The following FBXL17 variants were observed in gnomAD, a reference collection of about 807,000 sequenced individuals.
FBXL17 encodes F-box and leucine rich repeat protein 17, also known as F-box/LRR-repeat protein 17.
FBXL17 carries 22 observed loss-of-function variants against 66.2 expected under a neutral mutation model. That is an observed-to-expected ratio of 0.33 (90% CI 0.24 to 0.47). The LOEUF (loss-of-function observed/expected upper bound fraction) is 0.47, where lower values mean the gene tolerates loss of function less well. Ranked by LOEUF, FBXL17 falls within the 20% of genes least tolerant of loss-of-function variation. FBXL17 has a pLI of 1.00. For missense variants in FBXL17, 878 were observed against 948.2 expected, an observed-to-expected ratio of 0.93 and a Z score of 0.97; for synonymous variants, 474 against 400.5, an observed-to-expected ratio of 1.18 and a Z score of -2.19.
rs1215364343 is a variant in FBXL17, at chr5:108,381,622, A to C, written c.70T>G (p.Cys24Gly). Residue 24 changes from cysteine to glycine, a missense_variant, in exon 1 of 9, where the codon TGC (cysteine) becomes GGC (glycine). This residue lies in a region of FBXL17 where 605 missense variants were observed against 509.5 expected (regional missense o/e 1.19). Coordinates refer to ENST00000542267, the MANE Select transcript of FBXL17 (RefSeq NM_001163315.3). ...CTGAGGAGAGGGCGCCGGCGGCGGC[A>C]CCAACTGCAACAGCGAGGCCTCTTC... The part of the protein sequence containing the change: ...SQKRPRCCSW[C>G]RRRRPLLRLP... The C allele has an allele frequency of 1.3e-6, 2 of 1,491,978 alleles. No individual in the cohort carries two copies. The highest frequency in any genetic ancestry group is 4.5e-5 in the Admixed American group (2 of 44,624). The allele number at this position is 1,491,978 out of a possible 1,614,324, so 92.4% of individuals were successfully genotyped here. A position where few individuals can be genotyped will look rare whatever the true frequency, so the allele number is the denominator to read the frequency against.
chr5:108,034,199 C>T (rs1746753460), intron 6 of FBXL17, among the ~76,000 whole-genome samples: 1 of 152,148 alleles, frequency 6.6e-6, no homozygotes, highest in African/African-American at 2.4e-5. Context: ...ATATAGCCCT[C>T]AATATTATAT....
At chr5:108,335,779 C>T (rs1239322322) in intron 4 of FBXL17, among the ~76,000 whole-genome samples, 2 of 151,942 alleles carry the variant, frequency 1.3e-5, no homozygotes, top group African/African-American at 2.4e-5. Context: ...AACATGATAA[C>T]ATAAAGTATA....
intron 6 of FBXL17, among the ~76,000 whole-genome samples, chr5:108,063,996 AAT>A (rs1362762989): frequency 5.3e-5 from 8 of 152,148 alleles, no homozygotes; most frequent in African/African-American, 1.7e-4. Context: ...TTATAGTTTT[AAT>A]TATTTTTTCC....
intron 7 of FBXL17, among the ~76,000 whole-genome samples, chr5:107,922,154 C>T (rs1055648073): frequency 4.6e-5 from 7 of 152,122 alleles, no homozygotes; most frequent in Non-Finnish European, 1.0e-4. Context: ...TCTCTGAAAG[C>T]GGATGGTTTG....
chr5:107,946,383 C>T (rs1250601390), intron 7 of FBXL17, among the ~76,000 whole-genome samples: 1 of 141,556 alleles, frequency 7.1e-6, no homozygotes, highest in South Asian at 2.2e-4. Flanking sequence ...CAGCTTCAAA[C>T]TCCTTGGCTT....
In FBXL17 at chr5:108,364,793, A is replaced by T; in HGVS notation, c.1319T>A (p.Leu440His). ...IIAVASHCPL[L>H]QKVHVGNQDK... ...CTGGTTGCCTACATGCACTTTCTGA[A>T]GTAAAGGACAGTGAGAGGCAACCGC... The change falls in exon 3 of 9, where the codon CTT (leucine) becomes CAT (histidine). Residue 440 changes from leucine (L) to histidine (H), a missense_variant. By Grantham distance (99) the Leu-to-His change is moderately conservative. Coordinates refer to ENST00000542267, the MANE Select transcript of FBXL17 (RefSeq NM_001163315.3). The T allele has an allele frequency of 6.2e-7, 1 of 1,612,722 alleles. No individual in the cohort carries two copies. Among genetic ancestry groups the T allele is most frequent in the Non-Finnish European group, 8.5e-7 (1 of 1,179,072 alleles).
chr5:108,166,192 GAT>G (rs1440469877), intron 6 of FBXL17, among the ~76,000 whole-genome samples: 2 of 152,172 alleles, frequency 1.3e-5, no homozygotes, highest in Non-Finnish European at 2.9e-5. Flanking sequence ...CTGTAATTCA[GAT>G]ATATCAATAA....
At chr5:108,211,472 C>A (rs1392022209) in intron 5 of FBXL17, among the ~76,000 whole-genome samples, 1 of 152,162 alleles carries the variant, frequency 6.6e-6, no homozygotes, top group African/African-American at 2.4e-5. Context: ...ACTGGTTTCT[C>A]CTTTCCATGT....
intron 1 of FBXL17, among the ~76,000 whole-genome samples, chr5:108,378,417 T>C (rs1488054512): frequency 6.6e-6 from 1 of 152,216 alleles, no homozygotes; most frequent in African/African-American, 2.4e-5. Context: ...ACAATTATAA[T>C]AGCTATTGAC....
chr5:108,301,973 T>C (rs1758610716), intron 4 of FBXL17: 2 of 966,194 alleles, frequency 2.1e-6, no homozygotes, highest in South Asian at 4.8e-5. Context: ...ATTTTAAGAA[T>C]ACCTCCTAGT....
At chr5:107,970,894 G>A (rs1053546201) in intron 7 of FBXL17, among the ~76,000 whole-genome samples, 1 of 152,152 alleles carries the variant, frequency 6.6e-6, no homozygotes, top group African/African-American at 2.4e-5. Flanking sequence ...GGAAGAAATG[G>A]AAGTTGCTTA....
chr5:108,229,464 G>A (rs1156785173), intron 4 of FBXL17, among the ~76,000 whole-genome samples: 1 of 152,092 alleles, frequency 6.6e-6, no homozygotes, highest in African/African-American at 2.4e-5. Flanking sequence ...CATAAAGTGA[G>A]AAAAGGACAC....
intron 1 of FBXL17, among the ~76,000 whole-genome samples, chr5:108,370,847 T>G (rs1010524983): frequency 1.3e-5 from 2 of 152,042 alleles, no homozygotes; most frequent in African/African-American, 4.8e-5. Context: ...GCATTACAAC[T>G]AAAATATCTG....
intron 4 of FBXL17, among the ~76,000 whole-genome samples, chr5:108,322,638 G>A (rs1003312089): frequency 5.3e-5 from 8 of 151,882 alleles, no homozygotes; most frequent in Admixed American, 2.0e-4. Flanking sequence ...GAACCACAAC[G>A]CTTTCTACAA....
At chr5:108,311,834 G>A (rs1048680274) in intron 4 of FBXL17, among the ~76,000 whole-genome samples, 6 of 152,194 alleles carry the variant, frequency 3.9e-5, no homozygotes, top group African/African-American at 1.2e-4. Flanking sequence ...ATGAACCAAT[G>A]AAAGAGAAGA....
chr5:107,902,086 C>T (rs1388075914), intron 7 of FBXL17, among the ~76,000 whole-genome samples: 3 of 152,160 alleles, frequency 2.0e-5, no homozygotes, highest in African/African-American at 4.8e-5. Flanking sequence ...GAGAGCTAAA[C>T]GAAACCAGTT....
In FBXL17 at chr5:108,177,297, C is replaced by G. The variant is rs77510024; in HGVS notation, c.1745+8820G>C. Among the ~76,000 whole-genome samples the G allele has an allele frequency of 8.2e-3, 1,244 of 152,186 alleles. 18 individuals are homozygous for G. Among genetic ancestry groups the G allele is most frequent in the African/African-American group, 0.028 (1,167 of 41,512 alleles). On this transcript the variant is annotated intron_variant, in intron 6 of 8. Coordinates refer to ENST00000542267, the MANE Select transcript of FBXL17 (RefSeq NM_001163315.3). ...CATCATAAGAAATGAAGAGTATTTACAAATGGGGTTAATTGGAAAAATTAC... is the reference window on the plus strand; with the variant it reads ...CATCATAAGAAATGAAGAGTATTTAGAAATGGGGTTAATTGGAAAAATTAC...
At chr5:108,017,359 T>C (rs988557842) in intron 7 of FBXL17, among the ~76,000 whole-genome samples, 1 of 152,178 alleles carries the variant, frequency 6.6e-6, no homozygotes, top group African/African-American at 2.4e-5. Flanking sequence ...TAGACTAATG[T>C]AGGTCAAATT....
intron 6 of FBXL17, among the ~76,000 whole-genome samples, chr5:108,067,338 G>A (rs969675515): frequency 2.0e-5 from 3 of 151,838 alleles, no homozygotes; most frequent in Non-Finnish European, 4.4e-5. Flanking sequence ...ATTTTGTTCC[G>A]ATTAGTAAGC....
Sources: gnomAD v4.1 joint callset for allele counts (sites outside exome capture counted in the v4.1 genomes callset) on GRCh38, gnomAD v4.1.1 for gene constraint, gnomAD v4.1.1 regional missense constraint, MANE v1.5 for transcripts, NCBI Gene and HGNC (gene_info 2026-07-23, HGNC 2026-07-21) for gene names.